Variants in SREBF2 observed in about 807,000 individuals in gnomAD.
SREBF2 encodes the protein sterol regulatory element-binding protein 2.
A neutral mutation model predicts 113.1 loss-of-function variants in SREBF2; 55 were observed. That is an observed-to-expected ratio of 0.49 (90% CI 0.39 to 0.61). SREBF2 has a LOEUF of 0.61. Ranked by LOEUF, SREBF2 falls within the 20% of genes least tolerant of loss-of-function variation. SREBF2 has a pLI of 0.00. For synonymous variants in SREBF2, 593 were observed against 605.7 expected (o/e 0.98, Z 0.31); for missense variants, 1,349 against 1,487.4 (o/e 0.91, Z 1.53).
rs749313558 is a variant in SREBF2 at position 41,900,448 on chromosome 22, T to C, written c.2857T>C (p.Trp953Arg). 1 of 1,613,868 alleles carries C rather than the reference T, an allele frequency of 6.2e-7. No homozygotes were observed. The highest frequency in any genetic ancestry group is 1.1e-5 in the South Asian group (1 of 91,082). ...CHCERASGHL[W>R]SSLNVSGATS... ...TTGCGAGAGGGCCAGTGGCCACCTA[T>C]GGAGCAGCCTCAACGTCAGTGGGGC... The change falls in exon 16 of 19, where the codon TGG becomes CGG. Residue 953 changes from tryptophan (W) to arginine (R), a missense_variant. Transcript: ENST00000361204.
chr22:41,900,243 G>A (rs1317514536), intron 15 of SREBF2, 87 bp from the exon 16 acceptor site: 4 of 1,572,568 alleles, frequency 2.5e-6, no homozygotes, highest in Non-Finnish European at 3.4e-6. Context: ...TCAGTGTGGG[G>A]CGTGGCAGTC....
Position 41,833,458 on chromosome 22 carries a change from T to A in SREBF2, c.88+100T>A. On this transcript the variant is annotated intron_variant, in intron 1 of 18. Transcript: ENST00000361204. The surrounding 1 kb of genome is among the most constrained non-coding windows in gnomAD (Gnocchi z 4.1). The stretch of plus-strand genomic sequence containing the variant: ...TGCGCCCACCCCCCGACAGCCCCGG[T>A]TCGCGCGGGAAGAACCCCGTGCGCA... 4 of 1,081,122 alleles carry A rather than the reference T, an allele frequency of 3.7e-6. No individual in the cohort carries two copies. The highest frequency in any genetic ancestry group is 5.3e-6 in the Non-Finnish European group (4 of 759,492). 67.0% of individuals were successfully genotyped at this position (1,081,122 alleles called of 1,614,324 possible). A position where few individuals can be genotyped will look rare whatever the true frequency, so the allele number is the denominator to read the frequency against.
Position 41,906,486 on chromosome 22 carries a change from AGCATG to A in SREBF2, c.*829_*833del, listed in dbSNP as rs1255243038. The A allele has an allele frequency of 6.2e-6, 1 of 162,130 alleles. No homozygotes were observed. Among genetic ancestry groups the A allele is most frequent in the African/African-American group, 2.4e-5 (1 of 41,482 alleles). 10.0% of individuals were successfully genotyped at this position (162,130 alleles called of 1,614,324 possible). A position where few individuals can be genotyped will look rare whatever the true frequency, so the allele number is the denominator to read the frequency against. On this transcript the variant is annotated 3_prime_UTR_variant, in exon 19 of 19. Transcript: ENST00000361204. ...TGGGGACTGGGGACCAGGGGCCTTCAGCATGGCTTCTAGGTTCCCTCCTCCCCCTA... is the reference window on the plus strand; with the variant it reads ...TGGGGACTGGGGACCAGGGGCCTTCAGCTTCTAGGTTCCCTCCTCCCCCTA...
At chr22:41,905,091 CCT>C (rs757608535) in intron 18 of SREBF2, 117 bp downstream of exon 18, 9 of 1,010,132 alleles carry the variant, frequency 8.9e-6, no homozygotes, top group African/African-American at 6.4e-5. Context: ...ACACCTCTCG[CCT>C]CTCTGAGAAT....
intron 2 of SREBF2, among the ~76,000 whole-genome samples, chr22:41,867,871 G>A (rs1319914382): frequency 6.6e-6 from 1 of 152,172 alleles, no homozygotes; most frequent in Non-Finnish European, 1.5e-5. Flanking sequence ...ACTAGTGGTG[G>A]AGACTTGAAT....
intron 18 of SREBF2, 100 bp downstream of exon 18, chr22:41,905,074 G>T (rs990646427): frequency 2.7e-6 from 3 of 1,124,440 alleles, no homozygotes; most frequent in Non-Finnish European, 3.8e-6. Context: ...TGGCATTGGT[G>T]CCCAGCACAC....
intron 1 of SREBF2, among the ~76,000 whole-genome samples, chr22:41,841,117 G>A (rs1285758560): frequency 6.6e-6 from 1 of 152,194 alleles, no homozygotes; most frequent in Non-Finnish European, 1.5e-5. Context: ...CCAACTGGCT[G>A]AGCTAGGAGT....
At chr22:41,888,303 A>G (rs2077318650) in intron 11 of SREBF2, among the ~76,000 whole-genome samples, 1 of 152,160 alleles carries the variant, frequency 6.6e-6, no homozygotes, top group Non-Finnish European at 1.5e-5. Context: ...ACCTGGAATT[A>G]ATTTTTATAA....
intron 11 of SREBF2, 32 bp from the exon 12 acceptor site, chr22:41,893,085 T>C (rs376885397): frequency 3.1e-5 from 50 of 1,611,124 alleles, no homozygotes; most frequent in Non-Finnish European, 3.4e-6. Flanking sequence ...TCTGCCACCT[T>C]GGTGTTACCC....
intron 11 of SREBF2, among the ~76,000 whole-genome samples, chr22:41,891,596 C>T (rs746153021): frequency 1.3e-4 from 20 of 152,164 alleles, no homozygotes; most frequent in East Asian, 3.9e-4. Flanking sequence ...CTTCTGAAGC[C>T]GTTACATTCG....
chr22:41,902,021 C>T (rs1306419408), intron 16 of SREBF2, among the ~76,000 whole-genome samples: 1 of 152,258 alleles, frequency 6.6e-6, no homozygotes, highest in Non-Finnish European at 1.5e-5. Context: ...GGATCCTTTT[C>T]CACATCCCCT....
chr22:41,870,757 T>G (rs1273512197), intron 3 of SREBF2, 132 bp from the exon 4 acceptor site: 2 of 1,304,946 alleles, frequency 1.5e-6, no homozygotes, highest in South Asian at 1.3e-5. Flanking sequence ...TTCCTGTTCA[T>G]TTTTTTATTC....
At position 41,906,170 on chromosome 22, in the gene SREBF2, T is replaced by A. The variant is rs1191154416; in HGVS notation, c.*510T>A. On this transcript the variant is annotated 3_prime_UTR_variant, in exon 19 of 19. Coordinates refer to ENST00000361204, the MANE Select transcript of SREBF2 (RefSeq NM_004599.4). Reference sequence around the variant, plus strand: ...GGCTGAGTTGCTGTAGCGTCTTGATTCTCTCCCTGGGTCTGCGTTCCCTCC... The same window carrying A: ...GGCTGAGTTGCTGTAGCGTCTTGATACTCTCCCTGGGTCTGCGTTCCCTCC... 4 of 368,618 alleles carry A rather than the reference T, an allele frequency of 1.1e-5. No individual in the cohort carries two copies. The highest frequency in any genetic ancestry group is 6.9e-5 in the Admixed American group (2 of 29,078). 22.8% of individuals were successfully genotyped at this position (368,618 alleles called of 1,614,324 possible).
At chr22:41,880,568 C>A in intron 9 of SREBF2, 148 bp from the exon 10 acceptor site, 1 of 1,075,864 alleles carries the variant, frequency 9.3e-7, no homozygotes, top group Non-Finnish European at 1.4e-6. Context: ...TTTTGTTTTA[C>A]TTTCTTGTAG....
rs148447409 is a variant in SREBF2 at position 41,898,795 on chromosome 22, C to T, written c.2738+14C>T. 4.7e-5 allele frequency: 76 copies of T among 1,613,710 alleles called. No homozygotes were observed. Among genetic ancestry groups the T allele is most frequent in the Admixed American group, 1.8e-4 (11 of 59,984 alleles). ...GGAAGTGACAGAGTGCGTAACCCTC[C>T]TTGGCCACTCACTTGCTTCTCTCCA... On this transcript the variant is annotated intron_variant, in intron 15 of 18. Coordinates refer to ENST00000361204, the MANE Select transcript of SREBF2 (RefSeq NM_004599.4).
chr22:41,902,728 C>G (rs1208888706), intron 16 of SREBF2, among the ~76,000 whole-genome samples: 1 of 152,210 alleles, frequency 6.6e-6, no homozygotes, highest in African/African-American at 2.4e-5. Context: ...CCTGTCAGAG[C>G]CTTGCTTTCT....
chr22:41,905,648 T>C lies in SREBF2; in HGVS notation c.3414T>C (p.Ile1138=), dbSNP rs1486245258. 6.3e-7 allele frequency: 1 copy of C among 1,582,960 alleles called. No homozygotes were observed. The highest frequency in any genetic ancestry group is 1.2e-5 in the South Asian group (1 of 86,616). Residue 1138 remains isoleucine (I), a synonymous_variant, in exon 19 of 19, where the codon ATT becomes ATC. Coordinates refer to ENST00000361204, the MANE Select transcript of SREBF2 (RefSeq NM_004599.4). ...TTAAGCTGGGTGGTGGCACTGCCATTGCCGCCTCCTGACCACCAGGCTCAG... is the reference window on the plus strand; with the variant it reads ...TTAAGCTGGGTGGTGGCACTGCCATCGCCGCCTCCTGACCACCAGGCTCAG... The part of the protein sequence containing the change: ...MIVKLGGGTA[I]AAS
intron 18 of SREBF2, 142 bp from the exon 19 acceptor site, chr22:41,905,298 C>A (rs1361342103): frequency 2.3e-6 from 2 of 873,772 alleles, no homozygotes; most frequent in Non-Finnish European, 3.6e-6. Flanking sequence ...AAGTTCACTT[C>A]TTTTCCGTGG....
rs2077286289 is a variant in SREBF2 at position 41,884,956 on chromosome 22, T to C, written c.2153T>C (p.Leu718Pro). Residue 718 changes from leucine (L) to proline (P), a missense_variant, in exon 11 of 19, where the codon CTG (leucine) becomes CCG (proline). Physicochemically the swap from Leu to Pro is moderately conservative, Grantham distance 98. Around this residue, in one of 2 missense-constraint regions of SREBF2, gnomAD observed 650 missense variants for 644.1 expected, o/e 1.01. Coordinates refer to ENST00000361204, the MANE Select transcript of SREBF2 (RefSeq NM_004599.4). ...CCGAGCACACTGGTTGAGATCCATC[T>C]GACTGCTGCCATGGGGCTCAAGACC... The part of the protein sequence containing the change: ...IPPSTLVEIH[L>P]TAAMGLKTRC... The C allele has an allele frequency of 6.2e-7, 1 of 1,614,114 alleles. No individual in the cohort carries two copies. Among genetic ancestry groups the C allele is most frequent in the Non-Finnish European group, 8.5e-7 (1 of 1,180,046 alleles).
Sources: gnomAD v4.1 joint callset for allele counts (sites outside exome capture counted in the v4.1 genomes callset) on GRCh38, gnomAD v4.1.1 for gene constraint, gnomAD v4.1.1 regional missense constraint, Gnocchi (gnomAD v3.1) non-coding constraint, MANE v1.5 for transcripts, NCBI Gene and HGNC (gene_info 2026-07-23, HGNC 2026-07-21) for gene names.